MAP3K7CL: variants seen among roughly 807,000 people sequenced by gnomAD.
MAP3K7CL encodes the protein MAP3K7 C-terminal-like protein.
In MAP3K7CL, 16 loss-of-function variants were observed where a neutral mutation model predicts 18.6. The observed-to-expected ratio is 0.86, with a 90% CI of 0.58 to 1.31. The LOEUF (loss-of-function observed/expected upper bound fraction) is 1.31. MAP3K7CL is among the 50% of genes most tolerant of loss of function. MAP3K7CL has a pLI of 0.00. For synonymous variants in MAP3K7CL, 65 were observed against 66.8 expected (o/e 0.97, Z 0.13); for missense variants, 163 against 174.4 (o/e 0.93, Z 0.37).
chr21:29,158,057 A>G (rs1302931317), intron 3 of MAP3K7CL, among the ~76,000 whole-genome samples: 1 of 151,386 alleles, frequency 6.6e-6, no homozygotes, highest in Non-Finnish European at 1.5e-5. Context: ...TTGTAAGGAC[A>G]GGATCTGATG....
chr21:29,092,406 C>T (rs1406243039), intron 3 of MAP3K7CL: 1 of 1,612,562 alleles, frequency 6.2e-7, no homozygotes, highest in Non-Finnish European at 8.5e-7. Context: ...TTTGTCTCAT[C>T]ATGACTTTGA....
chr21:29,153,477 T>C (rs1390169741), intron 3 of MAP3K7CL, among the ~76,000 whole-genome samples: 3 of 152,182 alleles, frequency 2.0e-5, no homozygotes, highest in African/African-American at 4.8e-5. Flanking sequence ...AGACAAAGTC[T>C]TGCTCTGTCA....
intron 2 of MAP3K7CL, among the ~76,000 whole-genome samples, chr21:29,139,096 G>A (rs2832212): frequency 0.33 from 50,453 of 151,988 alleles, 8,472 homozygotes; most frequent in Non-Finnish European, 0.35. Context: ...AAATAATACA[G>A]TTTTCTCCTC....
intron 4 of MAP3K7CL, among the ~76,000 whole-genome samples, chr21:29,106,189 A>G (rs999428175): frequency 2.0e-5 from 3 of 151,964 alleles, no homozygotes; most frequent in Non-Finnish European, 4.4e-5. Flanking sequence ...AGAAAACGGC[A>G]CTTTTTTTTT....
At chr21:29,089,013 T>C (rs2085973419) in intron 1 of MAP3K7CL, among the ~76,000 whole-genome samples, 1 of 151,406 alleles carries the variant, frequency 6.6e-6, no homozygotes, top group South Asian at 2.1e-4. Flanking sequence ...CTACTAAAAA[T>C]ACAAAAATTA....
chr21:29,096,230 C>T (rs1444778289), intron 4 of MAP3K7CL, among the ~76,000 whole-genome samples: 1 of 152,082 alleles, frequency 6.6e-6, no homozygotes, highest in African/African-American at 2.4e-5. Context: ...AAACACCATT[C>T]GTTTACTTGT....
chr21:29,092,615 G>A (rs747757179), intron 4 of MAP3K7CL: 7 of 1,610,422 alleles, frequency 4.3e-6, no homozygotes, highest in Non-Finnish European at 5.9e-6. Context: ...GAAGTCTCAG[G>A]TTCTGAAGGC....
At chr21:29,161,339 G>A (rs1403021694) in intron 4 of MAP3K7CL, among the ~76,000 whole-genome samples, 2 of 151,892 alleles carry the variant, frequency 1.3e-5, no homozygotes, top group Admixed American at 1.3e-4. Context: ...TTTTACAGAT[G>A]GGATCTTGTT....
At chr21:29,168,910 G>A (rs996259804) in intron 4 of MAP3K7CL, among the ~76,000 whole-genome samples, 1 of 152,188 alleles carries the variant, frequency 6.6e-6, no homozygotes, top group Non-Finnish European at 1.5e-5. Context: ...GCAGAGTGAA[G>A]AAACCTTTTG....
At chr21:29,102,505 C>T (rs1356630745) in intron 4 of MAP3K7CL, 1 of 128,528 alleles carries the variant, frequency 7.8e-6, no homozygotes, top group African/African-American at 3.0e-5. Context: ...TTTTTAAACA[C>T]AGGGTCTCGC....
chr21:29,155,565 C>T (rs771712319), intron 3 of MAP3K7CL, among the ~76,000 whole-genome samples: 2 of 152,138 alleles, frequency 1.3e-5, no homozygotes, highest in Admixed American at 6.5e-5. Flanking sequence ...AGCAGAACAG[C>T]ACCATAGCAC....
chr21:29,136,294 C>T (rs1219395706), intron 2 of MAP3K7CL, among the ~76,000 whole-genome samples: 1 of 152,148 alleles, frequency 6.6e-6, no homozygotes, highest in Non-Finnish European at 1.5e-5. Flanking sequence ...TGCCATCAAG[C>T]GAGCTGTGCA....
chr21:29,092,679 T>G, intron 4 of MAP3K7CL: 1 of 1,393,028 alleles, frequency 7.2e-7, no homozygotes, highest in Non-Finnish European at 1.0e-6. Flanking sequence ...CACCTCATTC[T>G]GCAGGGATCT....
At chr21:29,129,330 T>C (rs2086736687), upstream of MAP3K7CL, among the ~76,000 whole-genome samples, 1 of 152,212 alleles carries the variant, frequency 6.6e-6, no homozygotes, top group Non-Finnish European at 1.5e-5. Flanking sequence ...ATGCACCACC[T>C]ATTCATCCTT....
At chr21:29,094,522 T>G (rs1400254264) in intron 4 of MAP3K7CL, among the ~76,000 whole-genome samples, 1 of 152,244 alleles carries the variant, frequency 6.6e-6, no homozygotes, top group Admixed American at 6.5e-5. Context: ...TCCTTCACTA[T>G]GCATGGGTCG....
rs190325053 is a variant in MAP3K7CL at position 29,139,834 on chromosome 21, T to G, written c.70+6420T>G. On this transcript the variant is annotated intron_variant, in intron 2 of 4. Coordinates refer to ENST00000399928, the MANE Select transcript of MAP3K7CL (RefSeq NM_001286620.2). The stretch of plus-strand genomic sequence containing the variant: ...TCCTGATCTCAGGTGACCGCCCGCC[T>G]TGGCCTCCCAAAGTGCTGGGATTAC... Among the ~76,000 whole-genome samples, 381 of 151,452 alleles carry G rather than the reference T, an allele frequency of 2.5e-3. 2 individuals carry two copies. Among genetic ancestry groups the G allele is most frequent in the Middle Eastern group, 0.014 (4 of 292 alleles).
chr21:29,085,845 CA>C, upstream of MAP3K7CL: 9 of 1,613,944 alleles, frequency 5.6e-6, no homozygotes, highest in Non-Finnish European at 7.6e-6. Flanking sequence ...AAATTACTGT[CA>C]TGCAAAGCGA....
At chr21:29,155,908 T>A (rs1474400453) in intron 3 of MAP3K7CL, among the ~76,000 whole-genome samples, 1 of 152,192 alleles carries the variant, frequency 6.6e-6, no homozygotes, top group African/African-American at 2.4e-5. Context: ...AAGAACTGGC[T>A]GCGTTGTATA....
Position 29,149,228 on chromosome 21 carries a change from C to G in MAP3K7CL, c.110C>G (p.Pro37Arg), listed in dbSNP as rs756888459. ...GAAGACTCCATTCCTTTGGTCTTTC[C>G]AGAATTAGACCAGCAGCTACAGGTA... The part of the protein sequence containing the change: ...PPEDSIPLVF[P>R]ELDQQLQPLP... Residue 37 changes from proline to arginine, a missense_variant, in exon 3 of 5, where the codon CCA (proline) becomes CGA (arginine). By Grantham distance (103) the Pro-to-Arg change is moderately radical (BLOSUM62 -2). Transcript: ENST00000399928. 3 of 1,613,720 alleles carry G rather than the reference C, an allele frequency of 1.9e-6. No individual in the cohort carries two copies. The highest frequency in any genetic ancestry group is 1.7e-6 in the Non-Finnish European group (2 of 1,179,762).
Sources: allele counts gnomAD v4.1 joint callset (sites outside exome capture counted in the v4.1 genomes callset), GRCh38; gene constraint gnomAD v4.1.1; transcripts MANE v1.5; gene names NCBI Gene and HGNC (gene_info 2026-07-23, HGNC 2026-07-21).